Variants in TOP1 observed in about 807,000 individuals in gnomAD.
TOP1 encodes the protein DNA topoisomerase 1.
A neutral mutation model predicts 111.1 loss-of-function variants in TOP1; 10 were observed. That is an observed-to-expected ratio of 0.09 (90% confidence interval 0.06 to 0.15). The LOEUF (loss-of-function observed/expected upper bound fraction) is 0.15, where lower values mean the gene tolerates loss of function less well. TOP1 is among the 10% of genes least tolerant of loss of function. The pLI is 1.00. For synonymous variants in TOP1, 271 were observed against 302.9 expected, an observed-to-expected ratio of 0.89 and a Z score of 1.10; for missense variants, 474 against 926.7, an observed-to-expected ratio of 0.51 and a Z score of 6.34.
chr20:41,041,429 C>T (rs2033262466), intron 2 of TOP1, among the ~76,000 whole-genome samples: 1 of 132,128 alleles, frequency 7.6e-6, no homozygotes, highest in Non-Finnish European at 1.6e-5. Context: ...CAGAACGAGA[C>T]CCTGTCTCAA....
In TOP1 at chr20:41,112,963, G is replaced by C; in HGVS notation, c.1452+38G>C. The C allele has an allele frequency of 6.3e-7, 1 of 1,599,874 alleles. No homozygotes were observed. The highest frequency in any genetic ancestry group is 8.5e-7 in the Non-Finnish European group (1 of 1,172,066). ...TCCCATCGGCATTGTCTAGTGTTGAGCTTAACAAAGGGAGTTTCTGCTCTG... is the reference window on the plus strand; with the variant it reads ...TCCCATCGGCATTGTCTAGTGTTGACCTTAACAAAGGGAGTTTCTGCTCTG... On this transcript the variant is annotated intron_variant, in intron 14 of 20. Coordinates refer to ENST00000361337, the MANE Select transcript of TOP1 (RefSeq NM_003286.4). The surrounding 1 kb of genome is among the most constrained non-coding windows in gnomAD (Gnocchi z 5.8).
In TOP1 at chr20:41,098,385, G is replaced by A; in HGVS notation, c.975+48G>A. ...TCTGGAGAATTCTGGAATTGTGATT[G>A]GTTCATTTAACTTTCTTCTTGGTTC... On this transcript the variant is annotated intron_variant, in intron 11 of 20. Coordinates refer to ENST00000361337, the MANE Select transcript of TOP1 (RefSeq NM_003286.4). This position sits in a 1 kb window ranked among gnomAD's most constrained non-coding sequence, Gnocchi z 5.7. 1 of 1,587,460 alleles carries A rather than the reference G, an allele frequency of 6.3e-7. No homozygotes were observed. The highest frequency in any genetic ancestry group is 8.6e-7 in the Non-Finnish European group (1 of 1,165,844).
At chr20:41,119,721 C>T (rs1053169606) in intron 18 of TOP1, among the ~76,000 whole-genome samples, 11 of 152,304 alleles carry the variant, frequency 7.2e-5, no homozygotes, top group East Asian at 1.9e-4. Context: ...CTTGAAGAGA[C>T]GTACATGTCC....
In TOP1 at chr20:41,095,127, C is replaced by CT. The variant is rs2033966500; in HGVS notation, c.731-2092dup. The stretch of plus-strand genomic sequence containing the variant: ...AGTGCAGTGGCACAATCTTGGCTCA[C>CT]TGCAGCCTCCACCTCCAAGGTTCAA... On this transcript the variant is annotated intron_variant, in intron 9 of 20. Transcript: ENST00000361337. The surrounding 1 kb of genome is among the most constrained non-coding windows in gnomAD (Gnocchi z 4.6). 6.6e-6 allele frequency among the ~76,000 whole-genome samples: 1 copy of CT among 152,188 alleles called. No homozygotes were observed. The highest frequency in any genetic ancestry group is 2.1e-4 in the South Asian group (1 of 4,826).
chr20:41,061,283 C>T lies in TOP1; in HGVS notation c.59-111C>T. ...TTTTCAGTGGCATGTGCTATTATGC[C>T]TACCATGCCATTTGAATCCTGTCAT... On this transcript the variant is annotated intron_variant, in intron 2 of 20. Coordinates refer to ENST00000361337, the MANE Select transcript of TOP1 (RefSeq NM_003286.4). The surrounding 1 kb of genome is among the most constrained non-coding windows in gnomAD (Gnocchi z 4.6). 1 of 1,027,420 alleles carries T rather than the reference C, an allele frequency of 9.7e-7. No individual in the cohort carries two copies. Among genetic ancestry groups the T allele is most frequent in the Non-Finnish European group, 1.4e-6 (1 of 694,778 alleles). The allele number at this position is 1,027,420 out of a possible 1,614,324, so 63.6% of individuals were successfully genotyped here.
intron 4 of TOP1, 46 bp from the exon 5 acceptor site, chr20:41,077,536 A>C (rs370003374): frequency 1.8e-5 from 28 of 1,517,280 alleles, no homozygotes; most frequent in Non-Finnish European, 2.6e-5. Flanking sequence ...GGTTTCTTCA[A>C]ATTTAGTCCT....
At chr20:41,041,293 A>G (rs185168280) in intron 2 of TOP1, among the ~76,000 whole-genome samples, 1 of 152,132 alleles carries the variant, frequency 6.6e-6, no homozygotes, top group East Asian at 1.9e-4. Flanking sequence ...ACAAAAAAAT[A>G]ACAAAAATTA....
chr20:41,094,030 G>A lies in TOP1; in HGVS notation c.730+1443G>A, dbSNP rs1312625061. On this transcript the variant is annotated intron_variant, in intron 9 of 20. Coordinates refer to ENST00000361337, the MANE Select transcript of TOP1 (RefSeq NM_003286.4). The surrounding 1 kb of genome is among the most constrained non-coding windows in gnomAD (Gnocchi z 4.4). ...ATCGTGCCACTCCCCTCCAGCCTGT[G>A]TGACAGAGTGAGACCCTGTCTCAAA... Among the ~76,000 whole-genome samples, 1 of 152,144 alleles carries A rather than the reference G, an allele frequency of 6.6e-6. No individual in the cohort carries two copies. The highest frequency in any genetic ancestry group is 1.9e-4 in the East Asian group (1 of 5,206).
At chr20:41,064,484 C>G (rs540324572) in intron 3 of TOP1, among the ~76,000 whole-genome samples, 8 of 152,296 alleles carry the variant, frequency 5.3e-5, no homozygotes, top group African/African-American at 1.7e-4. Flanking sequence ...ACAGTCATTC[C>G]TTAACAGTTT....
rs746120380 is a variant in TOP1 at position 41,029,494 on chromosome 20, C to G, written c.58+39C>G. 6.6e-7 allele frequency: 1 copy of G among 1,525,000 alleles called. No individual in the cohort carries two copies. Among genetic ancestry groups the G allele is most frequent in the Non-Finnish European group, 8.9e-7 (1 of 1,127,958 alleles). The allele number at this position is 1,525,000 out of a possible 1,614,324, so 94.5% of individuals were successfully genotyped here. On this transcript the variant is annotated intron_variant, in intron 2 of 20. Transcript: ENST00000361337. The surrounding 1 kb of genome is among the most constrained non-coding windows in gnomAD (Gnocchi z 6.1). ...CTGCGCCGACTCCGGGGCCCCCCAG[C>G]CGCCGGCCGCCTCCCCCGCGCCCTG...
intron 2 of TOP1, among the ~76,000 whole-genome samples, chr20:41,043,070 C>T (rs561515847): frequency 1.3e-5 from 2 of 152,320 alleles, no homozygotes; most frequent in South Asian, 2.1e-4. Flanking sequence ...CAGGTGTCAT[C>T]TGTGGTTCTC....
Position 41,030,940 on chromosome 20 carries a change from T to TC in TOP1, c.58+1485_58+1486insC, listed in dbSNP as rs2033111055. ...GGTGCTAGAGCTGATCCTGTAACCA[T>TC]AACACTCCCTTGCTCTCAATTCAGT... On this transcript the variant is annotated intron_variant, in intron 2 of 20. Transcript: ENST00000361337. The surrounding 1 kb of genome is among the most constrained non-coding windows in gnomAD (Gnocchi z 4.1). Among the ~76,000 whole-genome samples the TC allele has an allele frequency of 6.6e-6, 1 of 152,234 alleles. No homozygotes were observed.
intron 3 of TOP1, among the ~76,000 whole-genome samples, chr20:41,066,557 CTT>C (rs776922601): frequency 1.7e-3 from 214 of 129,358 alleles, no homozygotes; most frequent in African/African-American, 5.7e-3. Flanking sequence ...CTTTTCTTTT[CTT>C]TTTTTTTTTT....
rs763741363 is a variant in TOP1 at position 41,029,533 on chromosome 20, G to A, written c.58+78G>A. ...CCCCGCGCCCTGCCGGTGCCGGGCA[G>A]AGGACAGACATGGCGTCCCAGAGAC... On this transcript the variant is annotated intron_variant, in intron 2 of 20. Transcript: ENST00000361337. This position sits in a 1 kb window ranked among gnomAD's most constrained non-coding sequence, Gnocchi z 6.1. The A allele has an allele frequency of 4.1e-4, 486 of 1,196,094 alleles. 2 individuals carry two copies. The highest frequency in any genetic ancestry group is 2.4e-5 in the Non-Finnish European group (20 of 828,848). 74.1% of individuals were successfully genotyped at this position (1,196,094 alleles called of 1,614,324 possible). A position where few individuals can be genotyped will look rare whatever the true frequency, so the allele number is the denominator to read the frequency against.
In TOP1 at chr20:41,097,240, C is replaced by T; in HGVS notation, c.751C>T (p.Pro251Ser). 6.2e-7 allele frequency: 1 copy of T among 1,613,856 alleles called. No individual in the cohort carries two copies. The highest frequency in any genetic ancestry group is 8.5e-7 in the Non-Finnish European group (1 of 1,179,980). Residue 251 changes from proline (P) to serine (S), a missense_variant, in exon 10 of 21, where the codon CCC becomes TCC. This residue lies in a region of TOP1 where 84 missense variants were observed against 119.2 expected (regional missense o/e 0.70). Transcript: ENST00000361337. This position sits in a 1 kb window ranked among gnomAD's most constrained non-coding sequence, Gnocchi z 4.2. Reference protein sequence around the residue: ...YYDGKVMKLSPKAEEVATFFA... With the variant: ...YYDGKVMKLSSKAEEVATFFA... ...TCTAGGTAAAGTCATGAAGCTGAGC[C>T]CCAAAGCAGAGGAAGTAGCTACGTT...
At chr20:41,075,266 G>A (rs1256476409) in intron 3 of TOP1, among the ~76,000 whole-genome samples, 4 of 152,114 alleles carry the variant, frequency 2.6e-5, no homozygotes, top group Admixed American at 2.6e-4. Flanking sequence ...CCGCCTCCTG[G>A]GTTCATGCCA....
intron 13 of TOP1, among the ~76,000 whole-genome samples, chr20:41,108,922 A>G (rs559584458): frequency 7.9e-5 from 12 of 152,354 alleles, no homozygotes; most frequent in Admixed American, 4.6e-4. Flanking sequence ...CCCTTAGTAA[A>G]ATTCAGGTTT....
chr20:41,073,374 GAA>G (rs397692656), intron 3 of TOP1: 413 of 735,336 alleles, frequency 5.6e-4, no homozygotes, highest in Middle Eastern at 7.0e-4. Flanking sequence ...GGAAGACAAT[GAA>G]AAAAAAAAAA....
intron 3 of TOP1, among the ~76,000 whole-genome samples, chr20:41,070,467 C>G (rs914827940): frequency 6.6e-6 from 1 of 152,146 alleles, no homozygotes; most frequent in African/African-American, 2.4e-5. Context: ...TTAAGGAACC[C>G]TTGTTTCTTA....
Sources: gnomAD v4.1 joint callset for allele counts (sites outside exome capture counted in the v4.1 genomes callset) on GRCh38, gnomAD v4.1.1 for gene constraint, gnomAD v4.1.1 regional missense constraint, Gnocchi (gnomAD v3.1) non-coding constraint, MANE v1.5 for transcripts, NCBI Gene and HGNC (gene_info 2026-07-23, HGNC 2026-07-21) for gene names.